Variants in MERTK observed in about 807,000 individuals in gnomAD.
MERTK encodes tyrosine-protein kinase Mer.
Under a neutral mutation model 99.3 loss-of-function variants are expected in MERTK, and 69 were observed. The ratio of observed to expected loss-of-function variants is 0.70; its 90% CI spans 0.57 to 0.85. The LOEUF (loss-of-function observed/expected upper bound fraction) is 0.85. MERTK is among the 40% of genes least tolerant of loss of function. The pLI is 0.00. For missense variants in MERTK, 1,125 were observed against 1,249.4 expected, an observed-to-expected ratio of 0.90 and a Z score of 1.50; for synonymous variants, 426 against 467.6, an observed-to-expected ratio of 0.91 and a Z score of 1.15.
At chr2:111,920,799 C>T (rs548173923) in intron 1 of MERTK, among the ~76,000 whole-genome samples, 262 of 152,140 alleles carry the variant, frequency 1.7e-3, no homozygotes, top group Middle Eastern at 6.8e-3. Context: ...GGATTACAGG[C>T]GCCTGCCACC....
chr2:112,006,877 A>G (rs1446093476), intron 13 of MERTK, among the ~76,000 whole-genome samples: 3 of 151,138 alleles, frequency 2.0e-5, no homozygotes, highest in African/African-American at 4.9e-5. Flanking sequence ...AATTTTTCTA[A>G]ATTTCCTTCA....
At chr2:111,926,165 A>G (rs1684564569) in intron 1 of MERTK, among the ~76,000 whole-genome samples, 1 of 152,200 alleles carries the variant, frequency 6.6e-6, no homozygotes. Flanking sequence ...ATGCTTCAAT[A>G]AATATTTGAA....
At chr2:111,951,593 T>C (rs1685058853) in intron 4 of MERTK, among the ~76,000 whole-genome samples, 1 of 145,270 alleles carries the variant, frequency 6.9e-6, no homozygotes, top group African/African-American at 2.5e-5. Flanking sequence ...ACACTTACAT[T>C]GTTTCCGTGT....
intron 1 of MERTK, among the ~76,000 whole-genome samples, chr2:111,921,762 A>G (rs539866140): frequency 7.4e-4 from 113 of 151,906 alleles, no homozygotes; most frequent in South Asian, 2.9e-3. Context: ...TTTTTCTTTT[A>G]TTTCTATTTT....
At chr2:111,983,115 C>A (rs1363667946) in intron 8 of MERTK, 122 bp downstream of exon 8, 4 of 1,072,176 alleles carry the variant, frequency 3.7e-6, no homozygotes, top group East Asian at 2.5e-5. Flanking sequence ...AGGCAAGGCA[C>A]CTTTCAGGGG....
intron 1 of MERTK, among the ~76,000 whole-genome samples, chr2:111,920,514 C>A (rs1684435476): frequency 6.6e-6 from 1 of 151,394 alleles, no homozygotes. Flanking sequence ...TTACCATTTG[C>A]AATTTAGGAC....
chr2:111,905,463 G>A (rs1431771273), intron 1 of MERTK, among the ~76,000 whole-genome samples: 4 of 108,584 alleles, frequency 3.7e-5, no homozygotes, highest in Non-Finnish European at 7.1e-5. Context: ...TTTTGACATG[G>A]AGGCTCACTC....
chr2:111,912,309 A>C (rs1239946181), intron 1 of MERTK, among the ~76,000 whole-genome samples: 1 of 152,070 alleles, frequency 6.6e-6, no homozygotes, highest in Non-Finnish European at 1.5e-5. Context: ...ACCCGGCCCC[A>C]GTTGCCTCTT....
intron 4 of MERTK, among the ~76,000 whole-genome samples, chr2:111,962,716 CCTGTCCTTTTT>C (rs1326949329): frequency 6.6e-6 from 1 of 152,138 alleles, no homozygotes; most frequent in Non-Finnish European, 1.5e-5. Flanking sequence ...CTTTTTACCT[CCTGTCCTTTTT>C]CTGTCCCAGG....
In MERTK at chr2:112,028,366, C is replaced by T. The variant is rs751478245; in HGVS notation, c.2502C>T (p.Tyr834=). 3 of 1,614,064 alleles carry T rather than the reference C, an allele frequency of 1.9e-6. No individual in the cohort carries two copies. Among genetic ancestry groups the T allele is most frequent in the African/African-American group, 2.7e-5 (2 of 74,932 alleles). The change falls in exon 19 of 19, where the codon TAC becomes TAT. Residue 834 remains tyrosine, a synonymous_variant. Coordinates refer to ENST00000295408, the MANE Select transcript of MERTK (RefSeq NM_006343.3). ...TAACTTTCAGGTATGAAATAATGTA[C>T]TCTTGCTGGAGAACCGATCCCTTAG... The part of the protein sequence containing the change: ...DCLDELYEIM[Y]SCWRTDPLDR...
chr2:111,977,532 AT>A (rs1342595286), intron 7 of MERTK, among the ~76,000 whole-genome samples: 2 of 151,982 alleles, frequency 1.3e-5, no homozygotes, highest in Admixed American at 1.3e-4. Context: ...CTTTGGTGTA[AT>A]TTTATTTATA....
intron 1 of MERTK, among the ~76,000 whole-genome samples, chr2:111,911,690 T>A (rs1310491643): frequency 4.3e-5 from 1 of 23,386 alleles, no homozygotes; most frequent in South Asian, 1.8e-3. Flanking sequence ...GCGCCCAGCC[T>A]TTTTTTTTTT....
chr2:112,010,286 G>A (rs750589971), intron 15 of MERTK: 24 of 490,442 alleles, frequency 4.9e-5, no homozygotes, highest in African/African-American at 1.6e-4. Flanking sequence ...AAGTGGCTGC[G>A]TGCACAGTCT....
Position 112,021,491 on chromosome 2 carries a change from T to C in MERTK, c.2259T>C (p.Tyr753=). The C allele has an allele frequency of 6.2e-7, 1 of 1,613,976 alleles. No individual in the cohort carries two copies. Among genetic ancestry groups the C allele is most frequent in the Non-Finnish European group, 8.5e-7 (1 of 1,179,886 alleles). Residue 753 remains tyrosine (Y), a synonymous_variant, in exon 17 of 19, where the codon TAT becomes TAC. Transcript: ENST00000295408. ...GLSKKIYSGD[Y]YRQGRIAKMP... ...CTAAGAAGATTTACAGTGGCGATTA[T>C]TACCGCCAAGGCCGCATTGCTAAGA...
At chr2:112,017,163 T>C (rs1218104558) in intron 15 of MERTK, among the ~76,000 whole-genome samples, 1 of 152,178 alleles carries the variant, frequency 6.6e-6, no homozygotes, top group Non-Finnish European at 1.5e-5. Context: ...GAGTGCTGAT[T>C]GGTCCATTTT....
chr2:112,024,601 G>A (rs899199026), intron 18 of MERTK, among the ~76,000 whole-genome samples: 1 of 152,196 alleles, frequency 6.6e-6, no homozygotes, highest in African/African-American at 2.4e-5. Context: ...CCCCCAAAGA[G>A]GCCTCTGTTC....
intron 8 of MERTK, among the ~76,000 whole-genome samples, chr2:111,989,621 C>G (rs1366930182): frequency 6.6e-6 from 1 of 152,192 alleles, no homozygotes; most frequent in Non-Finnish European, 1.5e-5. Flanking sequence ...TCCCAAAGTG[C>G]TGGGATTACA....
intron 13 of MERTK, 89 bp from the exon 14 acceptor site, chr2:112,008,294 G>A (rs377630066): frequency 1.1e-6 from 1 of 917,160 alleles, no homozygotes; most frequent in Non-Finnish European, 1.8e-6. Flanking sequence ...TCCTGACCTG[G>A]GTTTTAGAGA....
At chr2:112,017,061 A>T (rs138509240) in intron 15 of MERTK, among the ~76,000 whole-genome samples, 210 of 152,248 alleles carry the variant, frequency 1.4e-3, no homozygotes, top group African/African-American at 4.8e-3. Context: ...GTGGAAGGGG[A>T]CTCAAGCGGG....
Sources: allele counts gnomAD v4.1 joint callset (sites outside exome capture counted in the v4.1 genomes callset), GRCh38; gene constraint gnomAD v4.1.1; transcripts MANE v1.5; gene names NCBI Gene and HGNC (gene_info 2026-07-23, HGNC 2026-07-21).